SH3BGRL: variants seen among roughly 807,000 people sequenced by gnomAD.
The protein encoded by SH3BGRL is adapter SH3BGRL.
Under a neutral mutation model 9.8 loss-of-function variants are expected in SH3BGRL, and 7 were observed. That is an observed-to-expected ratio of 0.72 (90% CI 0.41 to 1.35). The LOEUF is 1.35. Among genes scored for constraint, SH3BGRL ranks in the 40% most tolerant of loss-of-function variants. SH3BGRL has a pLI of 0.01. For missense variants in SH3BGRL, 73 were observed against 84.4 expected, an observed-to-expected ratio of 0.86 and a Z score of 0.53; for synonymous variants, 36 against 29.1, an observed-to-expected ratio of 1.24 and a Z score of -0.76.
In SH3BGRL at chrX:81,224,013, G is replaced by T. The variant is rs372234132; in HGVS notation, c.45+21768G>T. ...ATTCTTTAGTCAGTAATTCCCTAAA[G>T]CTCAAGTATTGGGAGTTGTTCATTC... is the stretch of plus-strand genomic sequence containing the variant. On this transcript the variant is annotated intron_variant, in intron 1 of 3. Coordinates refer to ENST00000373212, the MANE Select transcript of SH3BGRL (RefSeq NM_003022.3). 2.2e-4 allele frequency among the ~76,000 whole-genome samples: 24 copies of T among 111,563 alleles called. No individual in the cohort carries two copies. In the East Asian group the frequency reaches 5.4e-3, roughly 25 times the overall value.
intron 1 of SH3BGRL, among the ~76,000 whole-genome samples, chrX:81,222,324 C>T (rs1413322901): frequency 1.5e-5 from 1 of 67,363 alleles, no homozygotes. Context: ...CCTCCCCCCT[C>T]CCCCCACCCC....
At chrX:81,215,569 T>C (rs768321797) in intron 1 of SH3BGRL, among the ~76,000 whole-genome samples, 1 of 111,185 alleles carries the variant, frequency 9.0e-6, no homozygotes, top group South Asian at 3.8e-4. Context: ...CTAAGTTACA[T>C]GGTCTGCAAA....
intron 3 of SH3BGRL, among the ~76,000 whole-genome samples, chrX:81,288,658 A>G (rs1424073389): frequency 1.8e-5 from 2 of 112,119 alleles, no homozygotes; most frequent in Admixed American, 9.5e-5. Context: ...AATATGAAAA[A>G]TAATATAAGA....
chrX:81,289,810 A>G (rs1349256434), intron 3 of SH3BGRL, among the ~76,000 whole-genome samples: 1 of 110,517 alleles, frequency 9.0e-6, no homozygotes, highest in Non-Finnish European at 1.9e-5. Flanking sequence ...GTGAGCCAAG[A>G]TTGTACCACT....
intron 3 of SH3BGRL, among the ~76,000 whole-genome samples, chrX:81,296,151 G>A (rs989231000): frequency 6.3e-5 from 7 of 111,040 alleles, no homozygotes; most frequent in African/African-American, 1.3e-4. Flanking sequence ...GCACGTCCTC[G>A]CCTGGTGGCA....
chrX:81,236,837 GA>G (rs773081684), intron 1 of SH3BGRL, among the ~76,000 whole-genome samples: 1 of 109,696 alleles, frequency 9.1e-6, no homozygotes, highest in African/African-American at 3.3e-5. Context: ...GATCTTATCT[GA>G]AGTCCAGTAA....
At chrX:81,220,964 A>G (rs1287587173) in intron 1 of SH3BGRL, among the ~76,000 whole-genome samples, 1 of 111,027 alleles carries the variant, frequency 9.0e-6, no homozygotes, top group Non-Finnish European at 1.9e-5. Context: ...CTATTCCATT[A>G]TGTTCAGAAA....
At chrX:81,276,928 A>G in intron 1 of SH3BGRL, 56 bp from the exon 2 acceptor site, 1 of 1,051,158 alleles carries the variant, frequency 9.5e-7, no homozygotes. Flanking sequence ...GCCAGCTCAC[A>G]AACATTTGAC....
intron 1 of SH3BGRL, 22 bp downstream of exon 1, chrX:81,202,267 C>G (rs746516813): frequency 8.4e-7 from 1 of 1,190,148 alleles, no homozygotes; most frequent in East Asian, 3.0e-5. Context: ...GGGGAGTCCA[C>G]CTTTGTTGTT....
chrX:81,226,816 A>G (rs190310252), intron 1 of SH3BGRL, among the ~76,000 whole-genome samples: 1 of 109,730 alleles, frequency 9.1e-6, no homozygotes, highest in East Asian at 2.9e-4. Context: ...AAAGACAAGG[A>G]AAATAGAATC....
intron 1 of SH3BGRL, among the ~76,000 whole-genome samples, chrX:81,218,514 GATACAAA>G (rs2075588392): frequency 9.2e-6 from 1 of 108,471 alleles, no homozygotes; most frequent in African/African-American, 3.3e-5. Flanking sequence ...AGTTTCACTG[GATACAAA>G]ATTCTTAGCT....
chrX:81,276,868 C>A, intron 1 of SH3BGRL, 116 bp from the exon 2 acceptor site: 1 of 595,218 alleles, frequency 1.7e-6, no homozygotes, highest in South Asian at 3.2e-5. Context: ...GAGTGAAAAT[C>A]ATATAACTTC....
intron 1 of SH3BGRL, 113 bp downstream of exon 1, chrX:81,202,358 A>G (rs755759974): frequency 4.8e-4 from 471 of 982,841 alleles, no homozygotes; most frequent in Admixed American, 1.5e-3. Context: ...TGGAAGACTC[A>G]TGCATCCCCG....
At position 81,296,392 on chromosome X, in the gene SH3BGRL, G is replaced by A. The variant is rs188317332; in HGVS notation, c.313-803G>A. ...TAAAGGATATGAAGAATGAATTTTG[G>A]TGTCATTTAATATTTTCTTCTTTCC... is the stretch of plus-strand genomic sequence containing the variant. On this transcript the variant is annotated intron_variant, in intron 3 of 3. Coordinates refer to ENST00000373212, the MANE Select transcript of SH3BGRL (RefSeq NM_003022.3). Among the ~76,000 whole-genome samples, 613 of 111,621 alleles carry A rather than the reference G, an allele frequency of 5.5e-3. 1 individual carries two copies. Among genetic ancestry groups the A allele is most frequent in the Non-Finnish European group, 8.0e-3 (427 of 53,045 alleles).
At chrX:81,214,596 T>C (rs2075575831) in intron 1 of SH3BGRL, among the ~76,000 whole-genome samples, 1 of 111,396 alleles carries the variant, frequency 9.0e-6, no homozygotes, top group African/African-American at 3.3e-5. Context: ...TATTTGGAAA[T>C]TGTGACAGAG....
chrX:81,234,613 ATTT>A (rs2061752074), intron 1 of SH3BGRL, among the ~76,000 whole-genome samples: 2 of 112,095 alleles, frequency 1.8e-5, no homozygotes, highest in Admixed American at 1.9e-4. Context: ...ACTTATGGAA[ATTT>A]TAAAGTTCTT....
intron 3 of SH3BGRL, among the ~76,000 whole-genome samples, chrX:81,287,920 A>C (rs1451907180): frequency 9.2e-6 from 1 of 108,838 alleles, no homozygotes; most frequent in Non-Finnish European, 1.9e-5. Flanking sequence ...AAATCACACT[A>C]GAATACATAA....
chrX:81,232,396 GTGA>G (rs199805990), intron 1 of SH3BGRL, among the ~76,000 whole-genome samples: 6,265 of 107,309 alleles, frequency 0.058, 213 homozygotes, highest in African/African-American at 0.11. Context: ...TAGTGAATTA[GTGA>G]TGATGATGAT....
At chrX:81,272,930 A>G (rs1256357063) in intron 1 of SH3BGRL, among the ~76,000 whole-genome samples, 1 of 112,033 alleles carries the variant, frequency 8.9e-6, no homozygotes. Flanking sequence ...GTCAAAAATT[A>G]TAACCTGTTT....
Sources: allele counts gnomAD v4.1 joint callset (sites outside exome capture counted in the v4.1 genomes callset), GRCh38; gene constraint gnomAD v4.1.1; transcripts MANE v1.5; gene names NCBI Gene and HGNC (gene_info 2026-07-23, HGNC 2026-07-21).